The following IMMP2L variants were observed in gnomAD, a reference collection of about 807,000 sequenced individuals.
IMMP2L encodes mitochondrial inner membrane protease subunit 2.
IMMP2L carries 18 observed loss-of-function variants against 19.3 expected under a neutral mutation model. The ratio of observed to expected loss-of-function variants is 0.93; its 90% CI spans 0.64 to 1.38. The LOEUF (loss-of-function observed/expected upper bound fraction) is 1.38, where lower values mean the gene tolerates loss of function less well. Ranked by LOEUF, IMMP2L falls within the 40% of genes most tolerant of loss-of-function variation. IMMP2L has a pLI of 0.00. For missense variants in IMMP2L, 233 were observed against 218.2 expected (o/e 1.07, Z -0.43); for synonymous variants, 76 against 73.0 (o/e 1.04, Z -0.21).
At chr7:110,733,980 T>C (rs146548019) in intron 5 of IMMP2L, among the ~76,000 whole-genome samples, 76 of 152,130 alleles carry the variant, frequency 5.0e-4, no homozygotes, top group Non-Finnish European at 8.8e-4. Context: ...ATGTAGAAAT[T>C]ACCCAATCTA....
chr7:110,723,629 T>C (rs1355490879), intron 5 of IMMP2L, among the ~76,000 whole-genome samples: 2 of 152,172 alleles, frequency 1.3e-5, no homozygotes, highest in Non-Finnish European at 2.9e-5. Flanking sequence ...TGTGGTAAGA[T>C]ATCTTAATAA....
At chr7:111,461,974 TCATACA>T (rs1280862222) in intron 3 of IMMP2L, among the ~76,000 whole-genome samples, 1 of 151,976 alleles carries the variant, frequency 6.6e-6, no homozygotes, top group Non-Finnish European at 1.5e-5. Flanking sequence ...TTTATATAGA[TCATACA>T]CACACACGTG....
intron 3 of IMMP2L, among the ~76,000 whole-genome samples, chr7:111,016,570 C>CATACAT (rs1825597016): frequency 9.0e-6 from 1 of 110,976 alleles, no homozygotes; most frequent in African/African-American, 3.7e-5. Context: ...ATATATAATA[C>CATACAT]ATACATATAC....
intron 3 of IMMP2L, among the ~76,000 whole-genome samples, chr7:111,280,460 T>G (rs1819561918): frequency 6.6e-6 from 1 of 152,200 alleles, no homozygotes; most frequent in Admixed American, 6.5e-5. Context: ...TATACTTGTT[T>G]ACTGCCTATC....
chr7:110,958,409 C>G (rs1330630273), intron 4 of IMMP2L, among the ~76,000 whole-genome samples: 1 of 152,000 alleles, frequency 6.6e-6, no homozygotes, highest in Non-Finnish European at 1.5e-5. Flanking sequence ...TTGAGTTTTA[C>G]AAGCTTGTGT....
intron 5 of IMMP2L, among the ~76,000 whole-genome samples, chr7:110,717,471 A>C (rs1022133091): frequency 1.3e-5 from 2 of 152,212 alleles, no homozygotes; most frequent in Non-Finnish European, 2.9e-5. Flanking sequence ...TCTCAAAACA[A>C]AACAAAACAA....
rs530321669 is a variant in IMMP2L at position 111,068,864 on chromosome 7, T to C, written c.240-105299A>G. Among the ~76,000 whole-genome samples the C allele has an allele frequency of 1.8e-4, 28 of 152,306 alleles. No individual in the cohort carries two copies. The South Asian group carries it at 5.8e-3, about 32-fold the overall frequency. Reference sequence around the variant, plus strand: ...TGACATGTCAGAAGCCTAACTCAAATCCCATTTGTTGTTCTGTCCACTAAG... The same window carrying C: ...TGACATGTCAGAAGCCTAACTCAAACCCCATTTGTTGTTCTGTCCACTAAG... On this transcript the variant is annotated intron_variant, in intron 3 of 5. Coordinates refer to ENST00000405709, the MANE Select transcript of IMMP2L (RefSeq NM_032549.4).
intron 3 of IMMP2L, among the ~76,000 whole-genome samples, chr7:111,034,441 G>A (rs756006669): frequency 4.6e-5 from 7 of 152,038 alleles, no homozygotes; most frequent in Non-Finnish European, 7.4e-5. Flanking sequence ...AATGAGTTGC[G>A]TCTTAAGAGG....
intron 3 of IMMP2L, among the ~76,000 whole-genome samples, chr7:111,442,831 A>G (rs540020249): frequency 6.6e-6 from 1 of 152,054 alleles, no homozygotes; most frequent in East Asian, 1.9e-4. Flanking sequence ...ATTTGCCCAT[A>G]TAGTTAATTG....
chr7:111,446,748 C>A (rs1838494681), intron 3 of IMMP2L, among the ~76,000 whole-genome samples: 4 of 152,172 alleles, frequency 2.6e-5, no homozygotes, highest in African/African-American at 9.7e-5. Flanking sequence ...TTCAGACGAT[C>A]AAATTACTCT....
At chr7:110,718,998 AC>A (rs1795404725) in intron 5 of IMMP2L, among the ~76,000 whole-genome samples, 1 of 152,110 alleles carries the variant, frequency 6.6e-6, no homozygotes, top group Admixed American at 6.5e-5. Flanking sequence ...CATGCATGTA[AC>A]CCCCTCCAAC....
chr7:111,234,332 A>G (rs1261909546), intron 3 of IMMP2L, among the ~76,000 whole-genome samples: 1 of 152,074 alleles, frequency 6.6e-6, no homozygotes, highest in Non-Finnish European at 1.5e-5. Context: ...AGGGTTGTTC[A>G]GGTCTTCTAT....
chr7:110,980,305 G>A (rs1821154654), intron 3 of IMMP2L, among the ~76,000 whole-genome samples: 2 of 139,004 alleles, frequency 1.4e-5, no homozygotes, highest in Middle Eastern at 4.2e-3. Context: ...TTGGCTCACT[G>A]CAAGCTCCGC....
At chr7:110,989,518 A>C (rs1057137758) in intron 3 of IMMP2L, among the ~76,000 whole-genome samples, 2 of 148,966 alleles carry the variant, frequency 1.3e-5, no homozygotes, top group East Asian at 3.9e-4. Context: ...CAACAGAAGA[A>C]GACTCTGTCT....
intron 5 of IMMP2L, among the ~76,000 whole-genome samples, chr7:110,832,131 G>A (rs532342154): frequency 3.3e-5 from 5 of 152,082 alleles, no homozygotes; most frequent in South Asian, 4.1e-4. Context: ...GTGTGGTGGC[G>A]TGTGCCTGTA....
chr7:111,390,073 A>C (rs574242400), intron 3 of IMMP2L, among the ~76,000 whole-genome samples: 1 of 152,132 alleles, frequency 6.6e-6, no homozygotes, highest in Non-Finnish European at 1.5e-5. Context: ...CATCACCCAG[A>C]TCCCCCTTCA....
chr7:111,544,138 T>C (rs2133004252), intron 1 of IMMP2L, among the ~76,000 whole-genome samples: 1 of 151,966 alleles, frequency 6.6e-6, no homozygotes, highest in East Asian at 1.9e-4. Context: ...CTGAGCAAAC[T>C]ATCCCAAGGA....
intron 5 of IMMP2L, among the ~76,000 whole-genome samples, chr7:110,732,818 C>A (rs1184674039): frequency 6.7e-6 from 1 of 149,164 alleles, no homozygotes; most frequent in African/African-American, 2.5e-5. Flanking sequence ...GAGATAGGGT[C>A]TCTGTCACTC....
chr7:111,282,989 G>C (rs7811856), intron 3 of IMMP2L, among the ~76,000 whole-genome samples: 1 of 152,030 alleles, frequency 6.6e-6, no homozygotes, highest in Non-Finnish European at 1.5e-5. Context: ...ACAGACATCA[G>C]TAGAATACTC....
Sources: allele counts gnomAD v4.1 joint callset (sites outside exome capture counted in the v4.1 genomes callset), GRCh38; gene constraint gnomAD v4.1.1; transcripts MANE v1.5; gene names NCBI Gene and HGNC (gene_info 2026-07-23, HGNC 2026-07-21).